ADGRL2: variants seen among roughly 807,000 people sequenced by gnomAD.
ADGRL2 encodes the protein calcium-independent alpha-latrotoxin receptor 2.
In ADGRL2, 44 loss-of-function variants were observed where a neutral mutation model predicts 157.4. The observed-to-expected ratio is 0.28, with a 90% confidence interval of 0.22 to 0.36. The LOEUF (loss-of-function observed/expected upper bound fraction) is 0.36, where lower values mean the gene tolerates loss of function less well. Ranked by LOEUF, ADGRL2 falls within the 10% of genes least tolerant of loss-of-function variation. The pLI is 1.00. For missense variants in ADGRL2, 1,510 were observed against 1,768.9 expected, an observed-to-expected ratio of 0.85 and a Z score of 2.63; for synonymous variants, 585 against 624.7, an observed-to-expected ratio of 0.94 and a Z score of 0.95.
chr1:81,333,532 C>T (rs913668290), intron 1 of ADGRL2, among the ~76,000 whole-genome samples: 1 of 152,134 alleles, frequency 6.6e-6, no homozygotes, highest in South Asian at 2.1e-4. Context: ...TCTCCTACCT[C>T]AGCCTCCTGA....
intron 2 of ADGRL2, among the ~76,000 whole-genome samples, chr1:81,772,482 A>T (rs949834082): frequency 6.6e-6 from 1 of 152,044 alleles, no homozygotes; most frequent in Admixed American, 6.6e-5. Flanking sequence ...TAATCCCAGC[A>T]CTGTGGGAGG....
intron 1 of ADGRL2, among the ~76,000 whole-genome samples, chr1:81,319,007 T>A (rs184518772): frequency 0.012 from 1,552 of 125,416 alleles, 30 homozygotes; most frequent in African/African-American, 0.044. Context: ...AATGGAGCGA[T>A]CCCAGCTCAC....
intron 19 of ADGRL2, among the ~76,000 whole-genome samples, chr1:81,984,091 A>T (rs1161952389): frequency 6.6e-6 from 1 of 152,046 alleles, no homozygotes; most frequent in African/African-American, 2.4e-5. Context: ...TACAGAGGTT[A>T]CCCGCAGAAC....
intron 1 of ADGRL2, among the ~76,000 whole-genome samples, chr1:81,705,253 G>A (rs1218274341): frequency 6.6e-6 from 1 of 152,040 alleles, no homozygotes; most frequent in East Asian, 1.9e-4. Context: ...GGCTGGTCTT[G>A]AACTCCTGAC....
At chr1:81,552,596 C>A in intron 2 of ADGRL2, among the ~76,000 whole-genome samples, 1 of 110,310 alleles carries the variant, frequency 9.1e-6, no homozygotes, top group Non-Finnish European at 1.8e-5. Flanking sequence ...GTATATGAAA[C>A]TTTACTTAGA....
chr1:81,915,530 G>A (rs868197133), intron 3 of ADGRL2, among the ~76,000 whole-genome samples: 1 of 152,146 alleles, frequency 6.6e-6, no homozygotes, highest in Non-Finnish European at 1.5e-5. Flanking sequence ...ATTGGTTGAG[G>A]AAACCAGAGT....
chr1:81,692,725 T>A (rs889209559), intron 3 of ADGRL2, among the ~76,000 whole-genome samples: 1 of 152,204 alleles, frequency 6.6e-6, no homozygotes, highest in East Asian at 1.9e-4. Context: ...GAAAGTTAAA[T>A]CAGGTGTTGT....
At chr1:81,596,809 A>T (rs1166519367) in intron 3 of ADGRL2, among the ~76,000 whole-genome samples, 1 of 151,988 alleles carries the variant, frequency 6.6e-6, no homozygotes, top group Non-Finnish European at 1.5e-5. Flanking sequence ...AACACACAGG[A>T]TTAAGTAGTC....
chr1:81,881,183 A>T (rs572489746), intron 2 of ADGRL2, among the ~76,000 whole-genome samples: 1 of 152,088 alleles, frequency 6.6e-6, no homozygotes, highest in African/African-American at 2.4e-5. Context: ...CAAATATTTT[A>T]TTTTATTTTT....
At chr1:81,978,088 C>T (rs372956402) in intron 17 of ADGRL2, among the ~76,000 whole-genome samples, 6 of 150,678 alleles carry the variant, frequency 4.0e-5, no homozygotes, top group Admixed American at 3.3e-4. Context: ...AAAAAAAAAA[C>T]ACACTCTTAA....
chr1:81,803,368 G>T (rs190251664), intron 1 of ADGRL2, among the ~76,000 whole-genome samples: 16 of 152,208 alleles, frequency 1.1e-4, no homozygotes, highest in African/African-American at 3.9e-4. Context: ...ACTGCGGGGT[G>T]GGGGTGAGGG....
intron 1 of ADGRL2, among the ~76,000 whole-genome samples, chr1:81,723,522 T>C (rs1380409606): frequency 6.6e-6 from 1 of 152,232 alleles, no homozygotes; most frequent in Non-Finnish European, 1.5e-5. Flanking sequence ...TACTTATGTA[T>C]GGAAGATTAT....
chr1:81,876,934 C>T (rs944259764), intron 2 of ADGRL2, among the ~76,000 whole-genome samples: 15 of 152,066 alleles, frequency 9.9e-5, no homozygotes, highest in African/African-American at 3.4e-4. Flanking sequence ...CCTTGGTTTT[C>T]TAATGTAGTG....
chr1:81,429,862 GTTGTTTTTTGTTT>G (rs1314327616), intron 1 of ADGRL2, among the ~76,000 whole-genome samples: 5 of 152,056 alleles, frequency 3.3e-5, no homozygotes, highest in Admixed American at 6.5e-5. Flanking sequence ...GCTTTATATT[GTTGTTTTTTGTTT>G]TTGTTTTTTG....
chr1:81,396,876 C>T (rs1288022364), intron 1 of ADGRL2, among the ~76,000 whole-genome samples: 1 of 152,088 alleles, frequency 6.6e-6, no homozygotes, highest in East Asian at 1.9e-4. Flanking sequence ...ATTTGGGTTG[C>T]TAGTATTTTG....
intron 2 of ADGRL2, among the ~76,000 whole-genome samples, chr1:81,512,278 G>GA (rs34324177): frequency 0.4 from 60,223 of 152,078 alleles, 16,191 homozygotes; most frequent in African/African-American, 0.76. Flanking sequence ...GAGACTATGT[G>GA]ATGCAAATTG....
chr1:81,444,325 T>C (rs1481136410), intron 1 of ADGRL2, among the ~76,000 whole-genome samples: 2 of 152,200 alleles, frequency 1.3e-5, no homozygotes, highest in East Asian at 1.9e-4. Flanking sequence ...ATTTAATATA[T>C]GGCCACTTCA....
chr1:81,859,306 G>T (rs1049491214), intron 2 of ADGRL2, among the ~76,000 whole-genome samples: 1 of 151,480 alleles, frequency 6.6e-6, no homozygotes, highest in Admixed American at 6.6e-5. Context: ...CTCTCTTATT[G>T]TGTAGTATTC....
chr1:81,411,253 A>G (rs2076940355), intron 1 of ADGRL2, among the ~76,000 whole-genome samples: 1 of 152,258 alleles, frequency 6.6e-6, no homozygotes, highest in Non-Finnish European at 1.5e-5. Context: ...GAATATTTAT[A>G]TGTCATCTCT....
Sources: allele counts gnomAD v4.1 joint callset (sites outside exome capture counted in the v4.1 genomes callset), GRCh38; gene constraint gnomAD v4.1.1; transcripts MANE v1.5; gene names NCBI Gene and HGNC (gene_info 2026-07-23, HGNC 2026-07-21).